Variants in ATE1 observed in about 807,000 individuals in gnomAD.
ATE1 encodes the protein arginyl-tRNA--protein transferase 1.
A neutral mutation model predicts 70.5 loss-of-function variants in ATE1; 36 were observed. The observed-to-expected ratio is 0.51, with a 90% CI of 0.39 to 0.67. ATE1 has a LOEUF of 0.67. ATE1 is among the 30% of genes least tolerant of loss of function. The probability of loss-of-function intolerance (pLI) is 0.00; values close to 1 mark genes in which losing one functional copy is unlikely to be tolerated. For synonymous variants in ATE1, 232 were observed against 219.3 expected (o/e 1.06, Z -0.51); for missense variants, 593 against 629.5 (o/e 0.94, Z 0.62).
At chr10:121,900,708 C>T (rs905703589) in intron 6 of ATE1, among the ~76,000 whole-genome samples, 4 of 152,076 alleles carry the variant, frequency 2.6e-5, no homozygotes, top group Admixed American at 6.6e-5. Flanking sequence ...ACATGTGTGC[C>T]GTGAGACGTA....
At chr10:121,829,640 C>T (rs1218740761) in intron 10 of ATE1, among the ~76,000 whole-genome samples, 1 of 144,204 alleles carries the variant, frequency 6.9e-6, no homozygotes, top group Non-Finnish European at 1.5e-5. Flanking sequence ...CCTAGAGGGG[C>T]GGAGGTTGCA....
At chr10:121,813,924 T>C (rs1391658750) in intron 10 of ATE1, among the ~76,000 whole-genome samples, 1 of 152,202 alleles carries the variant, frequency 6.6e-6, no homozygotes, top group Non-Finnish European at 1.5e-5. Context: ...TACAAAAGTC[T>C]GCCTACAATT....
intron 10 of ATE1, among the ~76,000 whole-genome samples, chr10:121,791,086 G>A (rs200240827): frequency 0.74 from 92,501 of 124,996 alleles, 31,040 homozygotes; most frequent in Non-Finnish European, 0.77. Context: ...GTGTGTGTGT[G>A]TGTATATATA....
At chr10:121,790,031 C>T in intron 11 of ATE1, 138 bp downstream of exon 11, 2 of 1,233,546 alleles carry the variant, frequency 1.6e-6, no homozygotes, top group South Asian at 3.1e-5. Context: ...CTCTATCTTA[C>T]ACACACACAC....
chr10:121,926,665 T>C (rs1052648831), intron 1 of ATE1: 2 of 925,350 alleles, frequency 2.2e-6, no homozygotes, highest in Non-Finnish European at 2.6e-6. Flanking sequence ...TTGATAAATA[T>C]TATAGCCAAA....
intron 7 of ATE1, among the ~76,000 whole-genome samples, chr10:121,873,767 A>T (rs941770418): frequency 8.5e-5 from 13 of 152,206 alleles, no homozygotes; most frequent in African/African-American, 2.9e-4. Flanking sequence ...AGATAATTCA[A>T]GCCACTTTGC....
chr10:121,910,167 T>C (rs1387278127), intron 5 of ATE1, among the ~76,000 whole-genome samples: 1 of 152,168 alleles, frequency 6.6e-6, no homozygotes, highest in Non-Finnish European at 1.5e-5. Flanking sequence ...AATGGAGAAT[T>C]TTCTCTACTT....
intron 10 of ATE1, among the ~76,000 whole-genome samples, chr10:121,800,864 A>C (rs1946850202): frequency 6.6e-6 from 1 of 152,182 alleles, no homozygotes; most frequent in Non-Finnish European, 1.5e-5. Flanking sequence ...AGTAAGAATA[A>C]AGGCTTATTA....
chr10:121,888,000 T>C (rs913289161), intron 7 of ATE1, among the ~76,000 whole-genome samples: 1 of 152,224 alleles, frequency 6.6e-6, no homozygotes, highest in Non-Finnish European at 1.5e-5. Context: ...CAACAGGTTA[T>C]TGGGAAAGAG....
rs141464157 is a variant in ATE1 at position 121,746,836 on chromosome 10, C to T, written c.1379-2978G>A. On this transcript the variant is annotated intron_variant, in intron 11 of 11. Coordinates refer to ENST00000224652, the MANE Select transcript of ATE1 (RefSeq NM_001001976.3). ...ACATAAATTAATCAGGAGAAATCAT[C>T]CAAGCTCAATTTCAAAAGTGACAGG... Among the ~76,000 whole-genome samples, 98 of 152,120 alleles carry T rather than the reference C, an allele frequency of 6.4e-4. 3 individuals are homozygous for T. The East Asian group carries it at 0.017, about 26-fold the overall frequency.
At chr10:121,923,611 T>A (rs1951968194) in intron 2 of ATE1, among the ~76,000 whole-genome samples, 1 of 152,232 alleles carries the variant, frequency 6.6e-6, no homozygotes, top group African/African-American at 2.4e-5. Flanking sequence ...CAATCCCACG[T>A]CTTTGGCAAG....
intron 8 of ATE1, among the ~76,000 whole-genome samples, chr10:121,849,023 C>T (rs1948953637): frequency 6.6e-6 from 1 of 151,972 alleles, no homozygotes; most frequent in African/African-American, 2.4e-5. Flanking sequence ...CCAGCCTGGC[C>T]AACGTGGTGA....
intron 11 of ATE1, among the ~76,000 whole-genome samples, chr10:121,773,210 TC>T (rs1487955481): frequency 2.0e-4 from 31 of 152,242 alleles, no homozygotes; most frequent in African/African-American, 7.2e-4. Context: ...GACCTAATGC[TC>T]TTGGTTTTCG....
chr10:121,754,893 C>T (rs1340233672), intron 11 of ATE1, among the ~76,000 whole-genome samples: 1 of 152,178 alleles, frequency 6.6e-6, no homozygotes, highest in Admixed American at 6.5e-5. Flanking sequence ...GCAATACAAA[C>T]CCAGCATCAC....
intron 10 of ATE1, among the ~76,000 whole-genome samples, chr10:121,833,294 T>A (rs1475586140): frequency 7.0e-6 from 1 of 142,558 alleles, no homozygotes; most frequent in Non-Finnish European, 1.5e-5. Context: ...GCTCAACAAA[T>A]CTTTGTTAAA....
chr10:121,891,157 C>T (rs1590643509), intron 7 of ATE1, among the ~76,000 whole-genome samples: 1 of 152,084 alleles, frequency 6.6e-6, no homozygotes, highest in Middle Eastern at 3.2e-3. Flanking sequence ...AAAGGGTCTC[C>T]AGTTTGTGGC....
chr10:121,876,689 G>A (rs965450301), intron 7 of ATE1, among the ~76,000 whole-genome samples: 4 of 152,062 alleles, frequency 2.6e-5, no homozygotes, highest in Admixed American at 6.6e-5. Context: ...TGTTGCTGCC[G>A]GGCGCGGTGG....
chr10:121,875,570 G>T (rs1305042309), intron 7 of ATE1, among the ~76,000 whole-genome samples: 2 of 152,122 alleles, frequency 1.3e-5, no homozygotes, highest in Admixed American at 1.3e-4. Flanking sequence ...CTCCCAAACT[G>T]CTGGGATTAC....
chr10:121,768,170 G>A (rs573167827), intron 11 of ATE1, among the ~76,000 whole-genome samples: 25 of 152,318 alleles, frequency 1.6e-4, no homozygotes, highest in African/African-American at 4.3e-4. Context: ...AAGTAGAATG[G>A]TGGTTGCCAG....
Sources: gnomAD v4.1 joint callset for allele counts (sites outside exome capture counted in the v4.1 genomes callset) on GRCh38, gnomAD v4.1.1 for gene constraint, MANE v1.5 for transcripts, NCBI Gene and HGNC (gene_info 2026-07-23, HGNC 2026-07-21) for gene names.